CLK4: variants seen among roughly 807,000 people sequenced by gnomAD.
CLK4 encodes the protein dual specificity protein kinase CLK4.
CLK4 carries 37 observed loss-of-function variants against 64.4 expected under a neutral mutation model. The observed-to-expected ratio is 0.57, with a 90% confidence interval of 0.44 to 0.76. CLK4 has a LOEUF of 0.76. Ranked by LOEUF, CLK4 falls within the 30% of genes least tolerant of loss-of-function variation. The probability of loss-of-function intolerance (pLI) is 0.00; values close to 1 mark genes in which losing one functional copy is unlikely to be tolerated. For missense variants in CLK4, 457 were observed against 605.1 expected (o/e 0.76, Z 2.57); for synonymous variants, 175 against 191.6 (o/e 0.91, Z 0.72).
In CLK4 at chr5:178,617,895, A is replaced by C. The variant is rs1355989947; in HGVS notation, c.385-461T>G. The C allele has an allele frequency of 6.6e-6, 1 of 152,310 alleles. No individual in the cohort carries two copies. Among genetic ancestry groups the C allele is most frequent in the Non-Finnish European group, 1.5e-5 (1 of 68,134 alleles). The allele number at this position is 152,310 out of a possible 1,614,324, so 9.4% of individuals were successfully genotyped here. On this transcript the variant is annotated intron_variant, in intron 3 of 12. Transcript: ENST00000316308. The surrounding 1 kb of genome is among the most constrained non-coding windows in gnomAD (Gnocchi z 5.2). ...TTAAAATATACATGATTAAAATAAA[A>C]GGGGAAAATAAAGGCTAGTTAATTT... is the stretch of plus-strand genomic sequence containing the variant.
intron 9 of CLK4, among the ~76,000 whole-genome samples, chr5:178,610,320 ACTC>A (rs1764539407): frequency 2.0e-5 from 3 of 151,344 alleles, no homozygotes; most frequent in Admixed American, 2.0e-4. Context: ...TTTTTCAACC[ACTC>A]CTATCTCCCA....
At chr5:178,620,519 G>T in intron 2 of CLK4, 1 of 402,278 alleles carries the variant, frequency 2.5e-6, no homozygotes, top group Non-Finnish European at 5.0e-6. Context: ...AAAGTCTACA[G>T]AATTACACAG....
At chr5:178,609,240 T>A (rs145467430) in intron 9 of CLK4, among the ~76,000 whole-genome samples, 13 of 152,338 alleles carry the variant, frequency 8.5e-5, no homozygotes, top group African/African-American at 3.1e-4. Flanking sequence ...AATGTATAAA[T>A]AAAATCTACA....
chr5:178,621,662 G>C (rs772451400), intron 2 of CLK4: 1 of 152,144 alleles, frequency 6.6e-6, no homozygotes, highest in Non-Finnish European at 1.5e-5. Context: ...CAAGATTGGT[G>C]AGAGCATGAA....
rs151135753 is a variant in CLK4, at chr5:178,613,020, T to C, written c.827-130A>G. ...TCTTTACTTGTAAAATGTCTGTTTT[T>C]TTAGTGACAACATTTGGATATATAG... On this transcript the variant is annotated intron_variant, in intron 7 of 12. Transcript: ENST00000316308. 4.4e-5 allele frequency: 23 copies of C among 519,000 alleles called. No individual in the cohort carries two copies. In the East Asian group the frequency reaches 7.0e-4, roughly 16 times the overall value. The allele number at this position is 519,000 out of a possible 1,614,324, so 32.1% of individuals were successfully genotyped here.
intron 2 of CLK4, among the ~76,000 whole-genome samples, chr5:178,620,986 A>T (rs1359659786): frequency 3.3e-5 from 5 of 152,238 alleles, no homozygotes; most frequent in Non-Finnish European, 1.5e-5. Flanking sequence ...TGGCACTTTT[A>T]GCCACAATGG....
At position 178,620,294 on chromosome 5, in the gene CLK4, G is replaced by C. The variant is rs986292645; in HGVS notation, c.162-1516C>G. The C allele has an allele frequency of 4.1e-5, 10 of 242,694 alleles. No individual in the cohort carries two copies. The South Asian group carries it at 4.5e-4, about 11-fold the overall frequency. 15.0% of individuals were successfully genotyped at this position (242,694 alleles called of 1,614,324 possible). A position where few individuals can be genotyped will look rare whatever the true frequency, so the allele number is the denominator to read the frequency against. ...AAGCTAGACGTGACCATACTCTTAAGGGCATCCTTCCCATAAAAGTCCAAA... is the reference window on the plus strand; with the variant it reads ...AAGCTAGACGTGACCATACTCTTAACGGCATCCTTCCCATAAAAGTCCAAA... On this transcript the variant is annotated intron_variant, in intron 2 of 12. Coordinates refer to ENST00000316308, the MANE Select transcript of CLK4 (RefSeq NM_020666.3).
At chr5:178,609,387 A>G (rs1764519903) in intron 9 of CLK4, among the ~76,000 whole-genome samples, 1 of 152,176 alleles carries the variant, frequency 6.6e-6, no homozygotes, top group South Asian at 2.1e-4. Context: ...ACAAATGGAT[A>G]ATAATAGAGC....
At chr5:178,606,734 G>C (rs1216948587) in intron 10 of CLK4, among the ~76,000 whole-genome samples, 3 of 152,122 alleles carry the variant, frequency 2.0e-5, no homozygotes, top group Admixed American at 1.3e-4. Context: ...AGGCCAAGGA[G>C]GGTAGATCAC....
chr5:178,613,690 T>C (rs745516309), intron 6 of CLK4, 37 bp downstream of exon 6: 9 of 1,605,876 alleles, frequency 5.6e-6, no homozygotes, highest in Non-Finnish European at 7.7e-6. Flanking sequence ...GAATATTTCA[T>C]GTAATATGAT....
rs1562129709 is a variant in CLK4 at position 178,617,537 on chromosome 5, C to G, written c.385-103G>C. 1.6e-5 allele frequency: 19 copies of G among 1,201,134 alleles called. No individual in the cohort carries two copies. The highest frequency in any genetic ancestry group is 2.2e-5 in the Non-Finnish European group (19 of 856,512). The allele number at this position is 1,201,134 out of a possible 1,614,324, so 74.4% of individuals were successfully genotyped here. A position where few individuals can be genotyped will look rare whatever the true frequency, so the allele number is the denominator to read the frequency against. Reference sequence around the variant, plus strand: ...TTCATTCAGCGGGGAGATATTCAGGCATTCAGATAAGCACCAGGCCACGAA... The same window carrying G: ...TTCATTCAGCGGGGAGATATTCAGGGATTCAGATAAGCACCAGGCCACGAA... On this transcript the variant is annotated intron_variant, in intron 3 of 12. Transcript: ENST00000316308. This position sits in a 1 kb window ranked among gnomAD's most constrained non-coding sequence, Gnocchi z 5.2.
intron 1 of CLK4, among the ~76,000 whole-genome samples, chr5:178,626,709 G>C (rs1339992591): frequency 3.3e-5 from 5 of 152,152 alleles, no homozygotes; most frequent in African/African-American, 9.7e-5. Flanking sequence ...GCGAGCCCAC[G>C]GCCTCCGGAG....
At chr5:178,605,508 G>A (rs960240161) in intron 10 of CLK4, 126 bp from the exon 11 acceptor site, 4 of 505,940 alleles carry the variant, frequency 7.9e-6, no homozygotes, top group Admixed American at 4.3e-5. Flanking sequence ...GAATAACTGG[G>A]CAAGGTTACC....
chr5:178,608,312 T>G, intron 10 of CLK4, 64 bp downstream of exon 10: 1 of 1,211,996 alleles, frequency 8.3e-7, no homozygotes, highest in Non-Finnish European at 1.2e-6. Context: ...AGTCAAAACT[T>G]TAGCATACCT....
Position 178,617,333 on chromosome 5 carries a change from A to C in CLK4, c.475+11T>G. On this transcript the variant is annotated intron_variant, in intron 4 of 12. Coordinates refer to ENST00000316308, the MANE Select transcript of CLK4 (RefSeq NM_020666.3). This position sits in a 1 kb window ranked among gnomAD's most constrained non-coding sequence, Gnocchi z 5.2. Reference sequence around the variant, plus strand: ...TGCAAAGTTTAAAAAGTGTTGAAAAATATTCTATACATCTTGCTCTTAGAA... The same window carrying C: ...TGCAAAGTTTAAAAAGTGTTGAAAACTATTCTATACATCTTGCTCTTAGAA... The C allele has an allele frequency of 6.3e-7, 1 of 1,598,758 alleles. No individual in the cohort carries two copies.
chr5:178,619,985 G>C (rs2113812623), intron 2 of CLK4: 1 of 436,778 alleles, frequency 2.3e-6, no homozygotes, highest in South Asian at 1.6e-5. Context: ...TGACTAGATT[G>C]CCCTCACCAA....
At position 178,617,479 on chromosome 5, in the gene CLK4, T is replaced by C. The variant is rs772869355; in HGVS notation, c.385-45A>G. On this transcript the variant is annotated intron_variant, in intron 3 of 12. Coordinates refer to ENST00000316308, the MANE Select transcript of CLK4 (RefSeq NM_020666.3). This position sits in a 1 kb window ranked among gnomAD's most constrained non-coding sequence, Gnocchi z 5.2. ...GCACCAAGATCGTCCAGCCAATCAA[T>C]ATATCAGAGTGAATTCAGGGCAGAA... The C allele has an allele frequency of 2.7e-6, 4 of 1,506,892 alleles. No homozygotes were observed. The highest frequency in any genetic ancestry group is 3.7e-6 in the Non-Finnish European group (4 of 1,085,258). The allele number at this position is 1,506,892 out of a possible 1,614,324, so 93.3% of individuals were successfully genotyped here. A position where few individuals can be genotyped will look rare whatever the true frequency, so the allele number is the denominator to read the frequency against.
chr5:178,603,450 A>T lies in CLK4; in HGVS notation c.*167T>A, dbSNP rs1764415171. On this transcript the variant is annotated 3_prime_UTR_variant, in exon 13 of 13. Transcript: ENST00000316308. ...TTTTCTAATGCATTATCAAGACCAT[A>T]CTTGCTTAACAAGTTAATTATGCTA... The T allele has an allele frequency of 2.2e-6, 1 of 447,720 alleles. No homozygotes were observed. The highest frequency in any genetic ancestry group is 3.8e-6 in the Non-Finnish European group (1 of 263,230). The allele number at this position is 447,720 out of a possible 1,614,324, so 27.7% of individuals were successfully genotyped here. A position where few individuals can be genotyped will look rare whatever the true frequency, so the allele number is the denominator to read the frequency against.
intron 5 of CLK4, among the ~76,000 whole-genome samples, chr5:178,615,211 C>T (rs1764611274): frequency 6.6e-6 from 1 of 152,118 alleles, no homozygotes; most frequent in South Asian, 2.1e-4. Flanking sequence ...TTTTAAGATA[C>T]ATTTCATTAA....
Sources: gnomAD v4.1 joint callset for allele counts (sites outside exome capture counted in the v4.1 genomes callset) on GRCh38, gnomAD v4.1.1 for gene constraint, Gnocchi (gnomAD v3.1) non-coding constraint, MANE v1.5 for transcripts, NCBI Gene and HGNC (gene_info 2026-07-23, HGNC 2026-07-21) for gene names.